Variants in BEST2 observed in about 807,000 individuals in gnomAD.
BEST2 encodes the protein bestrophin 2.
Under a neutral mutation model 49.0 loss-of-function variants are expected in BEST2, and 36 were observed. The observed-to-expected ratio is 0.73, with a 90% CI of 0.56 to 0.97. The LOEUF is 0.97. Ranked by LOEUF, BEST2 falls within the 50% of genes least tolerant of loss-of-function variation. The pLI is 0.00. For missense variants in BEST2, 672 were observed against 710.0 expected, an observed-to-expected ratio of 0.95 and a Z score of 0.61; for synonymous variants, 335 against 304.4, an observed-to-expected ratio of 1.10 and a Z score of -1.05.
chr19:12,754,445 G>A (rs990611694), intron 3 of BEST2, 107 bp from the exon 4 acceptor site: 100 of 978,334 alleles, frequency 1.0e-4, no homozygotes, highest in Non-Finnish European at 1.4e-4. Context: ...CAGCACGCTC[G>A]GGTTTCCCTG....
chr19:12,752,814 A>C, intron 2 of BEST2, 70 bp downstream of exon 2: 1 of 1,030,932 alleles, frequency 9.7e-7, no homozygotes, highest in Non-Finnish European at 1.2e-6. Flanking sequence ...TAATATATAA[A>C]AATTATAAAA....
chr19:12,755,056 A>G lies in BEST2; in HGVS notation c.636+25A>G. ...GGTGGGCCCAACCAGGAGGTCATTC[A>G]TATAGAATACCAGGGAAATTGTACC... is the stretch of plus-strand genomic sequence containing the variant. On this transcript the variant is annotated intron_variant, in intron 5 of 9. Coordinates refer to ENST00000553030, the MANE Select transcript of BEST2 (RefSeq NM_017682.3). This position sits in a 1 kb window ranked among gnomAD's most constrained non-coding sequence, Gnocchi z 4.4. 6.3e-7 allele frequency: 1 copy of G among 1,577,878 alleles called. No homozygotes were observed. Among genetic ancestry groups the G allele is most frequent in the East Asian group, 2.2e-5 (1 of 44,584 alleles).
In BEST2 at chr19:12,752,618, T is replaced by A. The variant is rs1568351857; in HGVS notation, c.26T>A (p.Val9Glu). 1.2e-6 allele frequency: 2 copies of A among 1,612,112 alleles called. No individual in the cohort carries two copies. Among genetic ancestry groups the A allele is most frequent in the East Asian group, 2.2e-5 (1 of 44,850 alleles). Reference protein sequence around the residue: MTVTYTARVANARFGGFSQ... With the variant: MTVTYTAREANARFGGFSQ... ...ATGACCGTCACCTACACAGCCCGAG[T>A]GGCGAACGCCCGCTTCGGTGGCTTC... Residue 9 changes from valine (V) to glutamate (E), a missense_variant, in exon 2 of 10, where the codon GTG becomes GAG. Val to Glu is a moderately radical substitution (Grantham distance 121, BLOSUM62 -2). Around this residue, in one of 3 missense-constraint regions of BEST2, gnomAD observed 365 missense variants for 390.9 expected, o/e 0.93. Coordinates refer to ENST00000553030, the MANE Select transcript of BEST2 (RefSeq NM_017682.3).
chr19:12,757,503 T>C, intron 9 of BEST2, 148 bp from the exon 10 acceptor site: 1 of 813,358 alleles, frequency 1.2e-6, no homozygotes, highest in Non-Finnish European at 1.8e-6. Context: ...AAACACAGGG[T>C]GAGGCCAGGC....
chr19:12,753,375 C>T (rs747771740), intron 3 of BEST2, 21 bp downstream of exon 3: 4 of 1,609,192 alleles, frequency 2.5e-6, no homozygotes, highest in South Asian at 1.1e-5. Flanking sequence ...ACCCCAAGTC[C>T]CCCGTTCCCA....
chr19:12,755,075 T>C lies in BEST2; in HGVS notation c.636+44T>C. 1 of 1,558,934 alleles carries C rather than the reference T, an allele frequency of 6.4e-7. No individual in the cohort carries two copies. The highest frequency in any genetic ancestry group is 8.6e-7 in the Non-Finnish European group (1 of 1,156,646). ...TCATTCATATAGAATACCAGGGAAA[T>C]TGTACCCCTGGAGCTGTGTCAACGG... On this transcript the variant is annotated intron_variant, in intron 5 of 9. Transcript: ENST00000553030. This position sits in a 1 kb window ranked among gnomAD's most constrained non-coding sequence, Gnocchi z 4.4.
Position 12,757,778 on chromosome 19 carries a change from G to A in BEST2, c.1231G>A (p.Gly411Ser), listed in dbSNP as rs1967963122. The change falls in exon 10 of 10, where the codon GGC (glycine) becomes AGC (serine). Residue 411 changes from glycine (G) to serine (S), a missense_variant. By Grantham distance (56) the Gly-to-Ser change is moderately conservative. Coordinates refer to ENST00000553030, the MANE Select transcript of BEST2 (RefSeq NM_017682.3). ...GAGMVAGGPL[G>S]RRLSFLLRKN... is the part of the protein sequence containing the mutation. The stretch of plus-strand genomic sequence containing the variant: ...GGGCATGGTCGCGGGAGGCCCGCTG[G>A]GCCGGCGCCTGTCCTTTCTACTCCG... 2 of 1,546,004 alleles carry A rather than the reference G, an allele frequency of 1.3e-6. No homozygotes were observed. Among genetic ancestry groups the A allele is most frequent in the Non-Finnish European group, 1.7e-6 (2 of 1,146,110 alleles).
Position 12,755,863 on chromosome 19 carries a change from GC to G in BEST2, c.877del (p.Gln293SerfsTer18). 1 of 1,614,200 alleles carries G rather than the reference GC, an allele frequency of 6.2e-7. No homozygotes were observed. Among genetic ancestry groups the G allele is most frequent in the African/African-American group, 1.3e-5 (1 of 75,052 alleles). On this transcript the variant is annotated frameshift_variant, in exon 8 of 10. Transcript: ENST00000553030. LOFTEE classifies it high-confidence loss of function. This position sits in a 1 kb window ranked among gnomAD's most constrained non-coding sequence, Gnocchi z 4.4. The part of the protein sequence containing the change: ...FYAGWLKVAE[Q>X]LINPFGEDDD... ...GCTCCCTCTCCTCTCAGGTAGCTGAGCAGCTCATCAACCCCTTCGGAGAGGA... is the reference window on the plus strand; with the variant it reads ...GCTCCCTCTCCTCTCAGGTAGCTGAGAGCTCATCAACCCCTTCGGAGAGGA...
intron 4 of BEST2, 35 bp downstream of exon 4, chr19:12,754,820 G>T: frequency 6.3e-7 from 1 of 1,584,348 alleles, no homozygotes. Context: ...CAGAGACCGG[G>T]CAAGGACCAG....
Position 12,755,497 on chromosome 19 carries a change from C to T in BEST2, c.714+41C>T, listed in dbSNP as rs1215425842. The T allele has an allele frequency of 6.2e-7, 1 of 1,610,860 alleles. No individual in the cohort carries two copies. Among genetic ancestry groups the T allele is most frequent in the Non-Finnish European group, 8.5e-7 (1 of 1,177,138 alleles). On this transcript the variant is annotated intron_variant, in intron 6 of 9. Transcript: ENST00000553030. This position sits in a 1 kb window ranked among gnomAD's most constrained non-coding sequence, Gnocchi z 4.4. ...CTCTTTTTATATTCGGTGTCAGTGG[C>T]CCTGATGCCTGGTTTCCAAGGGGAA...
At chr19:12,752,122 T>A in intron 1 of BEST2, 1 of 174,418 alleles carries the variant, frequency 5.7e-6, no homozygotes, top group Non-Finnish European at 1.2e-5. Context: ...GGGTCAAGAC[T>A]GGGAGCTGGG....
At chr19:12,754,330 C>T (rs1967908279) in intron 3 of BEST2, among the ~76,000 whole-genome samples, 1 of 152,020 alleles carries the variant, frequency 6.6e-6, no homozygotes, top group African/African-American at 2.4e-5. Context: ...CCTCAGCCTC[C>T]CAAGGAGCTG....
chr19:12,754,906 T>C lies in BEST2; in HGVS notation c.511T>C (p.Phe171Leu). 6.2e-7 allele frequency: 1 copy of C among 1,613,574 alleles called. No homozygotes were observed. Among genetic ancestry groups the C allele is most frequent in the Non-Finnish European group, 8.5e-7 (1 of 1,179,796 alleles). Residue 171 changes from phenylalanine to leucine, a missense_variant, in exon 5 of 10, where the codon TTT (phenylalanine) becomes CTT (leucine). Phe to Leu is a conservative substitution (Grantham distance 22, BLOSUM62 0). Transcript: ENST00000553030. ...TATGACCCGCGAGGAGCGCAAGAAGTTTGAAAACCTGAACTCATCCTACAA... is the reference window on the plus strand; with the variant it reads ...TATGACCCGCGAGGAGCGCAAGAAGCTTGAAAACCTGAACTCATCCTACAA... ...GFMTREERKK[F>L]ENLNSSYNKY...
At chr19:12,756,582 G>A (rs755646499) in intron 9 of BEST2, 6 of 421,918 alleles carry the variant, frequency 1.4e-5, no homozygotes, top group East Asian at 4.6e-5. Flanking sequence ...ACTGGCTCAC[G>A]CCTGTAATCC....
In BEST2 at chr19:12,754,685, A is replaced by G. The variant is rs1027845869; in HGVS notation, c.381A>G (p.Thr127=). The G allele has an allele frequency of 3.8e-6, 6 of 1,579,740 alleles. No individual in the cohort carries two copies. In the African/African-American group the frequency reaches 8.1e-5, roughly 21 times the overall value. ...ACCGCGGCCGCCTCTACCGGCGCAC[A>G]CTCATGCGCTACGCAGGGCTCTCGG... ...RDDRGRLYRR[T]LMRYAGLSAV... The change falls in exon 4 of 10, where the codon ACA becomes ACG. Residue 127 remains threonine (T), a synonymous_variant. Transcript: ENST00000553030.
Position 12,757,873 on chromosome 19 carries a change from GGCCCC to G in BEST2, c.1328_1332del (p.Ala443GlyfsTer69). On this transcript the variant is annotated frameshift_variant, in exon 10 of 10. Transcript: ENST00000553030. LOFTEE classifies it low-confidence loss of function (END_TRUNC). Reference sequence around the variant, plus strand: ...CATGCGCGGTTGTCCCCGAAGGCGCGGCCCCGGAGTGCAGCTGCGGGGACCCGCTG... The same window carrying G: ...CATGCGCGGTTGTCCCCGAAGGCGCGGGAGTGCAGCTGCGGGGACCCGCTG... 6.5e-7 allele frequency: 1 copy of G among 1,549,566 alleles called. No individual in the cohort carries two copies. Among genetic ancestry groups the G allele is most frequent in the East Asian group, 2.4e-5 (1 of 41,058 alleles).
In BEST2 at chr19:12,755,404, G is replaced by A; in HGVS notation, c.662G>A (p.Cys221Tyr). ...GAGCTGAATGTTTTTCGGGGCAAAT[G>A]TGGAATGCTCTTTCACTATGACTGG... The part of the protein sequence containing the change: ...LEELNVFRGK[C>Y]GMLFHYDWIS... Residue 221 changes from cysteine (C) to tyrosine (Y), a missense_variant, in exon 6 of 10, where the codon TGT becomes TAT. By Grantham distance (194) the Cys-to-Tyr change is radical. Transcript: ENST00000553030. This position sits in a 1 kb window ranked among gnomAD's most constrained non-coding sequence, Gnocchi z 4.4. The A allele has an allele frequency of 6.2e-7, 1 of 1,614,182 alleles. No individual in the cohort carries two copies. Among genetic ancestry groups the A allele is most frequent in the Non-Finnish European group, 8.5e-7 (1 of 1,180,038 alleles).
chr19:12,756,077 G>T, intron 8 of BEST2, 64 bp from the exon 9 acceptor site: 3 of 1,607,948 alleles, frequency 1.9e-6, no homozygotes, highest in Non-Finnish European at 2.6e-6. Flanking sequence ...ACCCGAAGGG[G>T]TCCACCCTGT....
In BEST2 at chr19:12,757,718, G is replaced by A; in HGVS notation, c.1171G>A (p.Gly391Ser). The A allele has an allele frequency of 6.5e-7, 1 of 1,545,678 alleles. No individual in the cohort carries two copies. Among genetic ancestry groups the A allele is most frequent in the Non-Finnish European group, 8.7e-7 (1 of 1,148,292 alleles). ...GLDGPMGEAP[G>S]DFLQRLLPAG... ...GGATGGACCGATGGGAGAGGCGCCC[G>A]GCGACTTCCTGCAGCGCCTCCTGCC... The change falls in exon 10 of 10, where the codon GGC (glycine) becomes AGC (serine). Residue 391 changes from glycine to serine, a missense_variant. Around this residue, in one of 3 missense-constraint regions of BEST2, gnomAD observed 291 missense variants for 279.8 expected, o/e 1.04. Coordinates refer to ENST00000553030, the MANE Select transcript of BEST2 (RefSeq NM_017682.3).
Sources: allele counts gnomAD v4.1 joint callset (sites outside exome capture counted in the v4.1 genomes callset), GRCh38; gene constraint gnomAD v4.1.1; regional missense constraint gnomAD v4.1.1; non-coding constraint Gnocchi (gnomAD v3.1); transcripts MANE v1.5; gene names NCBI Gene and HGNC (gene_info 2026-07-23, HGNC 2026-07-21).